Variants in PHF20 observed in about 807,000 individuals in gnomAD.
The protein encoded by PHF20 is PHD finger protein 20.
PHF20 carries 23 observed loss-of-function variants against 113.5 expected under a neutral mutation model. The observed-to-expected ratio is 0.20, with a 90% confidence interval of 0.15 to 0.29. The LOEUF is 0.29. PHF20 is among the 10% of genes least tolerant of loss of function. The probability of loss-of-function intolerance (pLI) is 1.00; values close to 1 mark genes in which losing one functional copy is unlikely to be tolerated. For missense variants in PHF20, 943 were observed against 1,219.6 expected (o/e 0.77, Z 3.38); for synonymous variants, 434 against 457.3 (o/e 0.95, Z 0.65).
In PHF20 at chr20:35,914,202, G is replaced by A; in HGVS notation, c.1825+5G>A. ...AAGGGAAAGTGAAAGCATTGGGTAA[G>A]GAGGCTCTTCTGTCCTGATCATTTG... is the stretch of plus-strand genomic sequence containing the variant. On this transcript the variant is annotated splice_donor_5th_base_variant and intron_variant, in intron 12 of 17. Coordinates refer to ENST00000374012, the MANE Select transcript of PHF20 (RefSeq NM_016436.5). The A allele has an allele frequency of 1.2e-6, 2 of 1,614,036 alleles. No individual in the cohort carries two copies. The highest frequency in any genetic ancestry group is 1.7e-6 in the Non-Finnish European group (2 of 1,179,904).
intron 10 of PHF20, among the ~76,000 whole-genome samples, chr20:35,910,274 A>G (rs2055274354): frequency 6.6e-6 from 1 of 152,066 alleles, no homozygotes; most frequent in Admixed American, 6.6e-5. Context: ...AGGGGAGGGG[A>G]AATGCTGCTT....
chr20:35,830,842 TA>T lies in PHF20; in HGVS notation c.84-11729del, dbSNP rs375874800. ...ACAGATCATCCCATCACCTAGCTATTAAGCCCAGCATCCATTAGCTCTTCTT... is the reference window on the plus strand; with the variant it reads ...ACAGATCATCCCATCACCTAGCTATTAGCCCAGCATCCATTAGCTCTTCTT... On this transcript the variant is annotated intron_variant, in intron 2 of 17. Transcript: ENST00000374012. Among the ~76,000 whole-genome samples the T allele has an allele frequency of 4.5e-4, 69 of 152,190 alleles. 1 individual carries two copies. In the Middle Eastern group the frequency reaches 0.017, roughly 38 times the overall value.
intron 9 of PHF20, among the ~76,000 whole-genome samples, chr20:35,881,598 A>T (rs1040267020): frequency 2.0e-5 from 3 of 152,110 alleles, no homozygotes; most frequent in Non-Finnish European, 4.4e-5. Flanking sequence ...AGACAAGGAC[A>T]TTCTTCTACA....
At chr20:35,818,173 G>A (rs1011238883) in intron 2 of PHF20, among the ~76,000 whole-genome samples, 1 of 152,096 alleles carries the variant, frequency 6.6e-6, no homozygotes, top group Admixed American at 6.6e-5. Context: ...TACTCAGGAG[G>A]CTGAGGTGGG....
At chr20:35,845,371 G>GTTT in intron 3 of PHF20, 2 of 372,350 alleles carry the variant, frequency 5.4e-6, no homozygotes, top group Non-Finnish European at 1.1e-5. Flanking sequence ...ATCTTTTTTT[G>GTTT]TTTTTTTTTA....
intron 10 of PHF20, among the ~76,000 whole-genome samples, chr20:35,910,969 C>A (rs776262323): frequency 1.3e-5 from 2 of 151,906 alleles, no homozygotes; most frequent in Non-Finnish European, 2.9e-5. Context: ...TCCTGCAGTG[C>A]GCACTTGTTT....
intron 13 of PHF20, among the ~76,000 whole-genome samples, chr20:35,919,434 G>A (rs879537004): frequency 2.0e-5 from 3 of 151,372 alleles, no homozygotes; most frequent in Admixed American, 2.0e-4. Flanking sequence ...CTGCCTCCCG[G>A]GTTCAAGCGA....
chr20:35,925,902 C>G (rs1184517699), intron 13 of PHF20, among the ~76,000 whole-genome samples: 1 of 151,754 alleles, frequency 6.6e-6, no homozygotes, highest in East Asian at 2.0e-4. Context: ...GCAGGCGGAT[C>G]ATGAGGTTAT....
chr20:35,888,356 G>C (rs1000269043), intron 9 of PHF20, among the ~76,000 whole-genome samples: 2 of 152,106 alleles, frequency 1.3e-5, no homozygotes, highest in Non-Finnish European at 2.9e-5. Context: ...AGTAATTTAG[G>C]AACAACAAGA....
chr20:35,790,527 C>T (rs1394971116), intron 1 of PHF20, among the ~76,000 whole-genome samples: 1 of 152,110 alleles, frequency 6.6e-6, no homozygotes, highest in Non-Finnish European at 1.5e-5. Context: ...ATCTTCACAA[C>T]ACCTATATGA....
intron 17 of PHF20, among the ~76,000 whole-genome samples, chr20:35,944,682 C>A (rs1449472018): frequency 6.6e-6 from 1 of 152,196 alleles, no homozygotes; most frequent in Non-Finnish European, 1.5e-5. Flanking sequence ...AGCGACTCTT[C>A]CTTCCTCAGC....
At position 35,869,562 on chromosome 20, in the gene PHF20, AGTTT is replaced by A. The variant is rs757411760; in HGVS notation, c.922+16_922+19del. The A allele has an allele frequency of 1.4e-6, 2 of 1,417,848 alleles. No homozygotes were observed. Among genetic ancestry groups the A allele is most frequent in the Admixed American group, 1.7e-5 (1 of 58,722 alleles). The allele number at this position is 1,417,848 out of a possible 1,614,324, so 87.8% of individuals were successfully genotyped here. ...TTGACAAAAATTCATGTGAGTCTAC[AGTTT>A]GTTTATGTGTGGCTAGAATTTGACG... On this transcript the variant is annotated intron_variant, in intron 7 of 17. Transcript: ENST00000374012.
At chr20:35,851,455 G>A (rs1332533613) in intron 4 of PHF20, among the ~76,000 whole-genome samples, 1 of 152,058 alleles carries the variant, frequency 6.6e-6, no homozygotes, top group Non-Finnish European at 1.5e-5. Flanking sequence ...TTGAAATGTG[G>A]GGAGGCTGAT....
At chr20:35,812,942 T>A (rs956771715) in intron 2 of PHF20, among the ~76,000 whole-genome samples, 3 of 152,202 alleles carry the variant, frequency 2.0e-5, no homozygotes, top group African/African-American at 7.2e-5. Flanking sequence ...TATTAGGTGA[T>A]GTTCTTCTGT....
At chr20:35,850,468 A>C (rs2042704991) in intron 4 of PHF20, among the ~76,000 whole-genome samples, 1 of 148,524 alleles carries the variant, frequency 6.7e-6, no homozygotes, top group Admixed American at 6.7e-5. Context: ...GCCACACCAC[A>C]CCTGGCTAAT....
Position 35,842,744 on chromosome 20 carries a change from TGTGA to T in PHF20, c.255+3_255+6del. The T allele has an allele frequency of 6.2e-7, 1 of 1,612,490 alleles. No individual in the cohort carries two copies. Among genetic ancestry groups the T allele is most frequent in the Non-Finnish European group, 8.5e-7 (1 of 1,179,402 alleles). ...GCTTGCATGAAGAGGATGGATCTTC[TGTGA>T]GTAACAAATCTGGGAAGTTCTGTAG... On this transcript the variant is annotated splice_donor_variant and splice_donor_region_variant and intron_variant, in intron 3 of 17. Transcript: ENST00000374012. LOFTEE classifies it high-confidence loss of function.
intron 9 of PHF20, among the ~76,000 whole-genome samples, chr20:35,898,118 G>A (rs1254719919): frequency 2.0e-5 from 3 of 151,604 alleles, no homozygotes; most frequent in Non-Finnish European, 2.9e-5. Context: ...CAGGTGATCC[G>A]CCCACCTCGG....
intron 15 of PHF20, among the ~76,000 whole-genome samples, chr20:35,933,342 C>T (rs1359938329): frequency 6.6e-6 from 1 of 151,798 alleles, no homozygotes; most frequent in African/African-American, 2.4e-5. Context: ...AAGCGATTCT[C>T]CTGCCTTAAA....
chr20:35,884,325 T>C (rs1041154331), intron 9 of PHF20, among the ~76,000 whole-genome samples: 3 of 152,002 alleles, frequency 2.0e-5, no homozygotes, highest in African/African-American at 7.3e-5. Flanking sequence ...ATCTGAGAAA[T>C]TGGTGTGAAG....
Sources: gnomAD v4.1 joint callset for allele counts (sites outside exome capture counted in the v4.1 genomes callset) on GRCh38, gnomAD v4.1.1 for gene constraint, MANE v1.5 for transcripts, NCBI Gene and HGNC (gene_info 2026-07-23, HGNC 2026-07-21) for gene names.